The following ARSG variants were observed in gnomAD, a reference collection of about 807,000 sequenced individuals.
The protein encoded by ARSG is ASG.
Under a neutral mutation model 50.5 loss-of-function variants are expected in ARSG, and 37 were observed. That is an observed-to-expected ratio of 0.73 (90% CI 0.56 to 0.96). ARSG has a LOEUF of 0.96. Ranked by LOEUF, ARSG falls within the 50% of genes least tolerant of loss-of-function variation. The pLI is 0.00. For synonymous variants in ARSG, 225 were observed against 254.6 expected (o/e 0.88, Z 1.11); for missense variants, 629 against 675.3 (o/e 0.93, Z 0.76).
At position 68,347,020 on chromosome 17, in the gene ARSG, T is replaced by G. The variant is rs776127407; in HGVS notation, c.407-105T>G. On this transcript the variant is annotated intron_variant, in intron 3 of 11. Transcript: ENST00000621439. ...GCAGCTTCTTTTGGCTTGTCCACAG[T>G]GCGAGGCGAAGCTAATGGAGAGCTG... The G allele has an allele frequency of 2.5e-5, 39 of 1,563,902 alleles. No homozygotes were observed. In the Admixed American group the frequency reaches 3.4e-4, roughly 14 times the overall value.
intron 1 of ARSG, among the ~76,000 whole-genome samples, chr17:68,260,321 A>G (rs1461581219): frequency 5.9e-5 from 9 of 152,176 alleles, no homozygotes; most frequent in African/African-American, 2.2e-4. Flanking sequence ...TTGAAGTAAA[A>G]TATCACCAAC....
At position 68,395,081 on chromosome 17, in the gene ARSG, A is replaced by G; in HGVS notation, c.1100A>G (p.Asp367Gly). The G allele has an allele frequency of 6.2e-7, 1 of 1,614,038 alleles. No homozygotes were observed. The highest frequency in any genetic ancestry group is 8.5e-7 in the Non-Finnish European group (1 of 1,179,894). ...TCTTGTTATTTCCGCAGCGTGCTGGACATTTTTCCAACTGTGGTAGCCCTG... is the reference window on the plus strand; with the variant it reads ...TCTTGTTATTTCCGCAGCGTGCTGGGCATTTTTCCAACTGTGGTAGCCCTG... ...VTSTALLSVLDIFPTVVALAQ... is the reference protein window; with the variant it reads ...VTSTALLSVLGIFPTVVALAQ... Residue 367 changes from aspartate (D) to glycine (G), a missense_variant, in exon 10 of 12, where the codon GAC (aspartate) becomes GGC (glycine). Physicochemically the swap from Asp to Gly is moderately conservative, Grantham distance 94. Transcript: ENST00000621439.
chr17:68,317,007 C>T (rs1411759913), intron 2 of ARSG, among the ~76,000 whole-genome samples: 3 of 152,104 alleles, frequency 2.0e-5, no homozygotes, highest in East Asian at 3.8e-4. Context: ...GTAACATTTC[C>T]CTTTTAGTTT....
intron 1 of ARSG, among the ~76,000 whole-genome samples, chr17:68,277,475 G>C (rs1365465427): frequency 6.6e-6 from 1 of 152,042 alleles, no homozygotes; most frequent in Non-Finnish European, 1.5e-5. Context: ...TGTTGCCCAG[G>C]CTGGAGTGCA....
At chr17:68,357,606 A>G (rs1490096267) in intron 6 of ARSG, among the ~76,000 whole-genome samples, 1 of 152,206 alleles carries the variant, frequency 6.6e-6, no homozygotes, top group Non-Finnish European at 1.5e-5. Flanking sequence ...GACCCTGCTT[A>G]TCTTTGGGAG....
At chr17:68,426,254 G>GGGGGGGGGGCCCC, downstream of ARSG, 1 of 816,922 alleles carries the variant, frequency 1.2e-6, no homozygotes, top group Non-Finnish European at 1.9e-6. Context: ...GGGAGCGGGG[G>GGGGGGGGGGCCCC]CTCAAATAAA....
At chr17:68,403,716 T>A (rs28699316) in intron 11 of ARSG, among the ~76,000 whole-genome samples, 3 of 152,230 alleles carry the variant, frequency 2.0e-5, no homozygotes, top group Non-Finnish European at 4.4e-5. Context: ...TTTCTTTTTT[T>A]TTATTATTAT....
Position 68,356,721 on chromosome 17 carries a change from C to T in ARSG, c.621C>T (p.Leu207=). The part of the protein sequence containing the change: ...TDVALPLYEN[L]NIVEQPVNLS... ...TGGCCCTCCCTCTTTATGAAAACCT[C>T]AACATTGTGGAGCAGCCGGTGAACT... Residue 207 remains leucine, a synonymous_variant, in exon 6 of 12, where the codon CTC becomes CTT. Transcript: ENST00000621439. The T allele has an allele frequency of 6.2e-7, 1 of 1,614,202 alleles. No individual in the cohort carries two copies. The highest frequency in any genetic ancestry group is 1.3e-5 in the African/African-American group (1 of 75,058).
the ARSG span, among the ~76,000 whole-genome samples, chr17:68,449,897 G>C: frequency 6.6e-6 from 1 of 152,224 alleles, no homozygotes; most frequent in East Asian, 1.9e-4. Flanking sequence ...TGTAGTCCCA[G>C]CTACTCAGGA....
chr17:68,331,197 C>G (rs2077732151), intron 2 of ARSG, among the ~76,000 whole-genome samples: 2 of 53,514 alleles, frequency 3.7e-5, no homozygotes, highest in African/African-American at 1.5e-4. Flanking sequence ...TTCTTTCTTT[C>G]TTTCTTTCTT....
chr17:68,383,507 A>T (rs1010584264), intron 8 of ARSG, among the ~76,000 whole-genome samples: 2 of 152,220 alleles, frequency 1.3e-5, no homozygotes, highest in African/African-American at 4.8e-5. Flanking sequence ...GGACATGCAG[A>T]TAAACAGGCT....
intron 1 of ARSG, among the ~76,000 whole-genome samples, chr17:68,285,334 G>A (rs781963904): frequency 3.9e-5 from 6 of 152,224 alleles, no homozygotes; most frequent in Admixed American, 6.5e-5. Flanking sequence ...CTAGAGAGAC[G>A]TGGAGTGCAG....
chr17:68,286,606 G>C (rs1285594034), upstream of ARSG, among the ~76,000 whole-genome samples: 1 of 152,120 alleles, frequency 6.6e-6, no homozygotes, highest in African/African-American at 2.4e-5. Context: ...CCGGGTTCAA[G>C]CGATTCTTCT....
intron 2 of ARSG, among the ~76,000 whole-genome samples, chr17:68,339,972 A>G (rs772287139): frequency 2.4e-4 from 36 of 152,186 alleles, no homozygotes; most frequent in Non-Finnish European, 5.0e-4. Context: ...GGCTGCACCA[A>G]AGAAAAAAGA....
At chr17:68,305,873 C>T (rs1459241825) in intron 1 of ARSG, among the ~76,000 whole-genome samples, 7 of 152,108 alleles carry the variant, frequency 4.6e-5, no homozygotes, top group African/African-American at 1.4e-4. Flanking sequence ...GTCAGGAGTT[C>T]GAGACCAGCC....
intron 8 of ARSG, chr17:68,379,946 ATACGT>A: frequency 2.3e-6 from 2 of 858,210 alleles, no homozygotes; most frequent in Non-Finnish European, 1.4e-6. Flanking sequence ...GCCCTGTGAG[ATACGT>A]ACAACTGACC....
chr17:68,287,077 G>A (rs376645826), upstream of ARSG, among the ~76,000 whole-genome samples: 6 of 151,982 alleles, frequency 3.9e-5, no homozygotes, highest in Admixed American at 2.6e-4. Flanking sequence ...TCCACCTCCC[G>A]GGTTCAAGTG....
chr17:68,295,269 C>A (rs942995195), intron 1 of ARSG, among the ~76,000 whole-genome samples: 1 of 152,108 alleles, frequency 6.6e-6, no homozygotes, highest in African/African-American at 2.4e-5. Flanking sequence ...ACAGTGAGGT[C>A]ACCTTCCCAC....
At chr17:68,326,708 C>T (rs536480753) in intron 2 of ARSG, among the ~76,000 whole-genome samples, 18 of 152,300 alleles carry the variant, frequency 1.2e-4, no homozygotes, top group Non-Finnish European at 1.5e-4. Context: ...AAGCAACTCA[C>T]CTTGTCTGGC....
Sources: allele counts gnomAD v4.1 joint callset (sites outside exome capture counted in the v4.1 genomes callset), GRCh38; gene constraint gnomAD v4.1.1; transcripts MANE v1.5; gene names NCBI Gene and HGNC (gene_info 2026-07-23, HGNC 2026-07-21).